The following NOS2 variants were observed in gnomAD, a reference collection of about 807,000 sequenced individuals.
The protein encoded by NOS2 is nitric oxide synthase, inducible.
Under a neutral mutation model 136.0 loss-of-function variants are expected in NOS2, and 96 were observed. That is an observed-to-expected ratio of 0.71 (90% CI 0.60 to 0.84). The LOEUF (loss-of-function observed/expected upper bound fraction) is 0.84, where lower values mean the gene tolerates loss of function less well. Ranked by LOEUF, NOS2 falls within the 40% of genes least tolerant of loss-of-function variation. The pLI, the probability that NOS2 is intolerant of heterozygous loss-of-function variation, is 0.00. For missense variants in NOS2, 1,237 were observed against 1,496.9 expected (o/e 0.83, Z 2.87); for synonymous variants, 539 against 587.5 (o/e 0.92, Z 1.20).
chr17:27,800,311 C>T (rs918690579), intron 1 of NOS2, 28 bp downstream of exon 1: 2 of 152,160 alleles, frequency 1.3e-5, no homozygotes, highest in African/African-American at 4.8e-5. Context: ...TCAAAACAGC[C>T]GCTTCCCCAG....
intron 7 of NOS2, 152 bp from the exon 8 acceptor site, chr17:27,781,329 T>G: frequency 1.2e-6 from 1 of 868,552 alleles, no homozygotes; most frequent in Non-Finnish European, 1.7e-6. Context: ...CTTCTCCTGC[T>G]GCCCTCCCTC....
At chr17:27,778,628 G>A in intron 11 of NOS2, 62 bp downstream of exon 11, 2 of 1,322,502 alleles carry the variant, frequency 1.5e-6, no homozygotes, top group Non-Finnish European at 2.2e-6. Context: ...CATCACATAA[G>A]TCACTGGATC....
intron 2 of NOS2, among the ~76,000 whole-genome samples, chr17:27,797,955 A>G (rs1263962456): frequency 1.3e-5 from 2 of 152,130 alleles, no homozygotes; most frequent in East Asian, 3.8e-4. Context: ...AGTCAATCAT[A>G]TGAACTTCAA....
chr17:27,767,185 T>A (rs1421527640), intron 18 of NOS2, among the ~76,000 whole-genome samples: 1 of 152,132 alleles, frequency 6.6e-6, no homozygotes, highest in Non-Finnish European at 1.5e-5. Context: ...TGCAGAAACC[T>A]TCAGGACTAT....
intron 14 of NOS2, 129 bp downstream of exon 14, chr17:27,772,179 C>T (rs184186847): frequency 2.3e-4 from 232 of 1,028,264 alleles, no homozygotes; most frequent in Admixed American, 1.2e-3. Context: ...CCTTCTCTTC[C>T]AGATTAATGA....
chr17:27,783,585 C>A (rs1209080561), intron 5 of NOS2, among the ~76,000 whole-genome samples: 1 of 152,204 alleles, frequency 6.6e-6, no homozygotes, highest in African/African-American at 2.4e-5. Context: ...GAGCCAGTCC[C>A]TCCGTGGCAG....
At chr17:27,769,506 T>G (rs775873083) in intron 16 of NOS2, 29 bp downstream of exon 16, 1 of 1,604,574 alleles carries the variant, frequency 6.2e-7, no homozygotes, top group African/African-American at 1.3e-5. Flanking sequence ...AGGGCAGGGC[T>G]AGGAGTAGGA....
chr17:27,795,720 C>G (rs1238704561), intron 2 of NOS2, among the ~76,000 whole-genome samples: 3 of 152,210 alleles, frequency 2.0e-5, no homozygotes, highest in Admixed American at 1.3e-4. Context: ...AACTAAAATT[C>G]CTTCCTTGTG....
intron 4 of NOS2, 50 bp from the exon 5 acceptor site, chr17:27,787,876 A>AC: frequency 6.4e-7 from 1 of 1,555,688 alleles, no homozygotes; most frequent in Middle Eastern, 2.2e-4. Flanking sequence ...GCCTCTTGCC[A>AC]CCCTCCTCTG....
At chr17:27,788,561 T>C (rs933210524) in intron 4 of NOS2, among the ~76,000 whole-genome samples, 4 of 152,252 alleles carry the variant, frequency 2.6e-5, no homozygotes, top group Non-Finnish European at 5.9e-5. Flanking sequence ...CTAAGAAAGA[T>C]ATGAATTTGT....
At chr17:27,766,486 A>G in intron 19 of NOS2, 24 bp downstream of exon 19, 1 of 1,592,224 alleles carries the variant, frequency 6.3e-7, no homozygotes, top group Non-Finnish European at 8.6e-7. Flanking sequence ...AGTATCACCC[A>G]CGAAGCCCTG....
intron 2 of NOS2, 34 bp downstream of exon 2, chr17:27,798,666 A>G: frequency 1.5e-6 from 2 of 1,352,156 alleles, no homozygotes; most frequent in Non-Finnish European, 2.1e-6. Flanking sequence ...GTGCCCAAGG[A>G]GACAAGCAGG....
chr17:27,771,444 G>A (rs542057259), intron 14 of NOS2, among the ~76,000 whole-genome samples: 4 of 152,252 alleles, frequency 2.6e-5, no homozygotes, highest in Non-Finnish European at 4.4e-5. Context: ...CCCACCCAGC[G>A]GAGGATGGGG....
At position 27,781,019 on chromosome 17, in the gene NOS2, G is replaced by A. The variant is rs1338427255; in HGVS notation, c.864+17C>T. 1 of 1,610,608 alleles carries A rather than the reference G, an allele frequency of 6.2e-7. No individual in the cohort carries two copies. Among genetic ancestry groups the A allele is most frequent in the South Asian group, 1.1e-5 (1 of 90,808 alleles). On this transcript the variant is annotated intron_variant, in intron 8 of 26. Coordinates refer to ENST00000313735, the MANE Select transcript of NOS2 (RefSeq NM_000625.4). ...CTCCCCGCCCCAATGGCCGGTGGCT[G>A]AGGCTGGGCCGGGTACCTGAGTGAA...
intron 11 of NOS2, among the ~76,000 whole-genome samples, chr17:27,776,868 G>A (rs1312005866): frequency 6.6e-6 from 1 of 152,082 alleles, no homozygotes; most frequent in Non-Finnish European, 1.5e-5. Flanking sequence ...ATTTTACAGA[G>A]GAGGAAACAA....
At chr17:27,784,870 C>T (rs1465064305) in intron 5 of NOS2, among the ~76,000 whole-genome samples, 1 of 152,188 alleles carries the variant, frequency 6.6e-6, no homozygotes, top group Non-Finnish European at 1.5e-5. Flanking sequence ...TTCTCTTGCT[C>T]AGGGAAGCAG....
intron 12 of NOS2, 51 bp from the exon 13 acceptor site, chr17:27,773,294 C>A: frequency 7.3e-7 from 1 of 1,373,446 alleles, no homozygotes; most frequent in South Asian, 1.2e-5. Context: ...TGGCTTGGCT[C>A]AGCTCGCGGA....
At chr17:27,796,300 A>G (rs538620816) in intron 2 of NOS2, among the ~76,000 whole-genome samples, 1 of 152,150 alleles carries the variant, frequency 6.6e-6, no homozygotes, top group East Asian at 1.9e-4. Flanking sequence ...AAATACAAAA[A>G]TTAACCAGGC....
intron 2 of NOS2, among the ~76,000 whole-genome samples, chr17:27,791,493 A>G (rs1260439023): frequency 6.6e-6 from 1 of 152,102 alleles, no homozygotes; most frequent in Non-Finnish European, 1.5e-5. Context: ...GAATCCTGTT[A>G]GGTTGGGTGA....
Sources: allele counts gnomAD v4.1 joint callset (sites outside exome capture counted in the v4.1 genomes callset), GRCh38; gene constraint gnomAD v4.1.1; transcripts MANE v1.5; gene names NCBI Gene and HGNC (gene_info 2026-07-23, HGNC 2026-07-21).